The following MS4A7 variants were observed in gnomAD, a reference collection of about 807,000 sequenced individuals.
MS4A7 encodes membrane-spanning 4-domains subfamily A member 7.
Under a neutral mutation model 23.5 loss-of-function variants are expected in MS4A7, and 21 were observed. That is an observed-to-expected ratio of 0.89 (90% CI 0.63 to 1.29). The LOEUF (loss-of-function observed/expected upper bound fraction) is 1.29. Among genes scored for constraint, MS4A7 ranks in the 50% most tolerant of loss-of-function variants. The probability of loss-of-function intolerance (pLI) is 0.00; values close to 1 mark genes in which losing one functional copy is unlikely to be tolerated. For missense variants in MS4A7, 263 were observed against 274.2 expected, an observed-to-expected ratio of 0.96 and a Z score of 0.29; for synonymous variants, 111 against 107.4, an observed-to-expected ratio of 1.03 and a Z score of -0.21.
intron 2 of MS4A7, among the ~76,000 whole-genome samples, chr11:60,384,315 G>A (rs189098065): frequency 1.3e-5 from 2 of 152,318 alleles, no homozygotes; most frequent in African/African-American, 2.4e-5. Flanking sequence ...CATGCCTCCA[G>A]TACTTCACAA....
chr11:60,392,163 G>C (rs1172217819), intron 5 of MS4A7, among the ~76,000 whole-genome samples: 1 of 151,732 alleles, frequency 6.6e-6, no homozygotes, highest in African/African-American at 2.4e-5. Context: ...TGTGTGTTTG[G>C]AAAAGATGGA....
intron 5 of MS4A7, among the ~76,000 whole-genome samples, chr11:60,391,504 T>C (rs1379421242): frequency 6.6e-6 from 1 of 152,068 alleles, no homozygotes. Flanking sequence ...CACAAAAAAA[T>C]GAGTAGCGGC....
At chr11:60,383,867 G>C (rs1008087911) in intron 2 of MS4A7, among the ~76,000 whole-genome samples, 1 of 152,122 alleles carries the variant, frequency 6.6e-6, no homozygotes, top group Admixed American at 6.5e-5. Flanking sequence ...TTTGTCATTA[G>C]TACAGTAAAA....
intron 2 of MS4A7, among the ~76,000 whole-genome samples, chr11:60,383,883 C>A (rs2085456343): frequency 6.6e-6 from 1 of 152,162 alleles, no homozygotes; most frequent in Non-Finnish European, 1.5e-5. Flanking sequence ...TAAAAATTTT[C>A]TATTTAACCA....
chr11:60,386,722 C>T lies in MS4A7; in HGVS notation c.288C>T (p.Gly96=). 1.9e-6 allele frequency: 3 copies of T among 1,612,708 alleles called. No homozygotes were observed. The highest frequency in any genetic ancestry group is 2.5e-6 in the Non-Finnish European group (3 of 1,178,856). ...TTTCTCTCTCTTCTGGGCAGTTTGG[C>T]ATTACTGGATCCCTCTCAATTATCT... ...GYPFLGALCF[G]ITGSLSIISG... The change falls in exon 4 of 7, where the codon GGC becomes GGT. Residue 96 remains glycine, a synonymous_variant. Coordinates refer to ENST00000300184, the MANE Select transcript of MS4A7 (RefSeq NM_021201.5).
intron 6 of MS4A7, 28 bp downstream of exon 6, chr11:60,392,814 C>A: frequency 1.4e-6 from 2 of 1,479,824 alleles, no homozygotes; most frequent in Non-Finnish European, 1.9e-6. Flanking sequence ...TCGCCTGATA[C>A]CTGCTGTGTC....
At chr11:60,381,081 T>C (rs2085424114) in intron 1 of MS4A7, among the ~76,000 whole-genome samples, 1 of 152,238 alleles carries the variant, frequency 6.6e-6, no homozygotes, top group Non-Finnish European at 1.5e-5. Context: ...CTTAATAGAA[T>C]GCCACATTCA....
chr11:60,392,554 A>C (rs985230605), intron 5 of MS4A7, 131 bp from the exon 6 acceptor site: 2 of 638,074 alleles, frequency 3.1e-6, no homozygotes, highest in Non-Finnish European at 5.5e-6. Flanking sequence ...AAGAAAGCAG[A>C]AAAGAGGATT....
At chr11:60,388,409 G>A (rs907989138) in intron 4 of MS4A7, among the ~76,000 whole-genome samples, 1 of 152,188 alleles carries the variant, frequency 6.6e-6, no homozygotes, top group African/African-American at 2.4e-5. Context: ...GAGGATTTCA[G>A]TTTCTAAGTC....
chr11:60,393,534 G>T (rs2085576207), intron 6 of MS4A7, among the ~76,000 whole-genome samples: 1 of 152,058 alleles, frequency 6.6e-6, no homozygotes, highest in African/African-American at 2.4e-5. Context: ...TTCCCCTAAA[G>T]GCTACAACAA....
chr11:60,382,121 T>C (rs1461011685), intron 1 of MS4A7, among the ~76,000 whole-genome samples: 3 of 152,208 alleles, frequency 2.0e-5, no homozygotes, highest in Non-Finnish European at 2.9e-5. Flanking sequence ...CTGGGCAACA[T>C]TTCAGGTGCT....
chr11:60,392,649 G>A lies in MS4A7; in HGVS notation c.547-36G>A, dbSNP rs2233254. On this transcript the variant is annotated intron_variant, in intron 5 of 6. Transcript: ENST00000300184. Reference sequence around the variant, plus strand: ...CTTAGCCAGGCACAAGGGCTAGCTTGTCTTGGGTACCAGCCATTCATGTCC... The same window carrying A: ...CTTAGCCAGGCACAAGGGCTAGCTTATCTTGGGTACCAGCCATTCATGTCC... The A allele has an allele frequency of 3.0e-5, 46 of 1,552,462 alleles. No individual in the cohort carries two copies. In the East Asian group the frequency reaches 1.0e-3, roughly 35 times the overall value.
At chr11:60,380,464 AAC>A (rs1187807392) in intron 1 of MS4A7, among the ~76,000 whole-genome samples, 1 of 152,242 alleles carries the variant, frequency 6.6e-6, no homozygotes, top group Non-Finnish European at 1.5e-5. Context: ...AAACAGAACA[AAC>A]AGTTAAGAAA....
At position 60,395,165 on chromosome 11, in the gene MS4A7, C is replaced by A. The variant is rs1415116069; in HGVS notation, c.*1304C>A. 5.4e-6 allele frequency: 2 copies of A among 369,920 alleles called. No homozygotes were observed. The highest frequency in any genetic ancestry group is 7.7e-5 in the East Asian group (2 of 25,890). 22.9% of individuals were successfully genotyped at this position (369,920 alleles called of 1,614,324 possible). ...ACCACATGGGCGTATTCTTTCTTCC[C>A]AGTCATTGCTGCAATTATCTTGTCT... is the stretch of plus-strand genomic sequence containing the variant. On this transcript the variant is annotated 3_prime_UTR_variant, in exon 7 of 7. Coordinates refer to ENST00000300184, the MANE Select transcript of MS4A7 (RefSeq NM_021201.5).
At chr11:60,388,550 C>T (rs937167851) in intron 4 of MS4A7, among the ~76,000 whole-genome samples, 2 of 152,244 alleles carry the variant, frequency 1.3e-5, no homozygotes, top group African/African-American at 2.4e-5. Flanking sequence ...GTGTCCTCAT[C>T]TGTGCCTAGC....
Position 60,393,918 on chromosome 11 carries a change from T to C in MS4A7, c.*57T>C. The C allele has an allele frequency of 1.7e-6, 2 of 1,159,798 alleles. No homozygotes were observed. The highest frequency in any genetic ancestry group is 3.0e-5 in the South Asian group (2 of 66,090). 71.8% of individuals were successfully genotyped at this position (1,159,798 alleles called of 1,614,324 possible). On this transcript the variant is annotated 3_prime_UTR_variant, in exon 7 of 7. Coordinates refer to ENST00000300184, the MANE Select transcript of MS4A7 (RefSeq NM_021201.5). Reference sequence around the variant, plus strand: ...ACTCAACACTCATGGTCAAGTGTGATTAGACTTTCCTGAAATCTCTGCCAT... The same window carrying C: ...ACTCAACACTCATGGTCAAGTGTGACTAGACTTTCCTGAAATCTCTGCCAT...
chr11:60,391,700 C>G (rs1319527481), intron 5 of MS4A7, among the ~76,000 whole-genome samples: 3 of 152,008 alleles, frequency 2.0e-5, no homozygotes, highest in Non-Finnish European at 4.4e-5. Flanking sequence ...GGGTGGATCA[C>G]CCGAGGCCAG....
At chr11:60,386,039 A>T (rs1050529207) in intron 3 of MS4A7, among the ~76,000 whole-genome samples, 4 of 152,144 alleles carry the variant, frequency 2.6e-5, no homozygotes, top group African/African-American at 9.7e-5. Context: ...TGGGCCCCAC[A>T]TCTCCTTAGA....
chr11:60,383,093 C>T, intron 1 of MS4A7, 36 bp from the exon 2 acceptor site: 2 of 1,603,906 alleles, frequency 1.2e-6, no homozygotes, highest in Non-Finnish European at 1.7e-6. Context: ...GTAAGTCAAA[C>T]CTTGGGAAGT....
Sources: gnomAD v4.1 joint callset for allele counts (sites outside exome capture counted in the v4.1 genomes callset) on GRCh38, gnomAD v4.1.1 for gene constraint, MANE v1.5 for transcripts, NCBI Gene and HGNC (gene_info 2026-07-23, HGNC 2026-07-21) for gene names.